SYNPR: variants seen among roughly 807,000 people sequenced by gnomAD.
The protein encoded by SYNPR is synaptoporin.
A neutral mutation model predicts 32.9 loss-of-function variants in SYNPR; 23 were observed. The observed-to-expected ratio is 0.70, with a 90% CI of 0.50 to 0.99. The LOEUF (loss-of-function observed/expected upper bound fraction) is 0.99, where lower values mean the gene tolerates loss of function less well. Among genes scored for constraint, SYNPR ranks in the 50% least tolerant of loss-of-function variants. The pLI, the probability that SYNPR is intolerant of heterozygous loss-of-function variation, is 0.00. For missense variants in SYNPR, 318 were observed against 349.3 expected, an observed-to-expected ratio of 0.91 and a Z score of 0.71; for synonymous variants, 146 against 135.9, an observed-to-expected ratio of 1.07 and a Z score of -0.52.
chr3:63,433,634 C>T (rs1195258882), intron 2 of SYNPR, among the ~76,000 whole-genome samples: 1 of 152,144 alleles, frequency 6.6e-6, no homozygotes, highest in Non-Finnish European at 1.5e-5. Flanking sequence ...TGAGCTGCTT[C>T]GTGGTGGCTT....
intron 2 of SYNPR, among the ~76,000 whole-genome samples, chr3:63,435,351 A>T (rs939926148): frequency 3.9e-5 from 6 of 152,246 alleles, no homozygotes; most frequent in African/African-American, 1.4e-4. Flanking sequence ...AACAGCGCTT[A>T]GGCTGATACC....
At chr3:63,471,292 A>G (rs1700791273) in intron 2 of SYNPR, among the ~76,000 whole-genome samples, 1 of 152,214 alleles carries the variant, frequency 6.6e-6, no homozygotes, top group Non-Finnish European at 1.5e-5. Flanking sequence ...CCTTTTAACA[A>G]TACTTCTCAG....
intron 3 of SYNPR, among the ~76,000 whole-genome samples, chr3:63,524,883 G>T (rs1701982384): frequency 6.6e-6 from 1 of 151,574 alleles, no homozygotes; most frequent in South Asian, 2.1e-4. Context: ...GAGAGAGAGA[G>T]AGAGAGAGAG....
In SYNPR at chr3:63,615,618, G is replaced by C; in HGVS notation, c.*137G>C. On this transcript the variant is annotated 3_prime_UTR_variant, in exon 6 of 6. Coordinates refer to ENST00000478300, the MANE Select transcript of SYNPR (RefSeq NM_001130003.2). Reference sequence around the variant, plus strand: ...ATCAGAGCTCTCTAGTCTTCATTAAGGCAGCAAGTCCTGGGTTGTGAAAAA... The same window carrying C: ...ATCAGAGCTCTCTAGTCTTCATTAACGCAGCAAGTCCTGGGTTGTGAAAAA... 1 of 1,201,160 alleles carries C rather than the reference G, an allele frequency of 8.3e-7. No homozygotes were observed. Among genetic ancestry groups the C allele is most frequent in the Non-Finnish European group, 1.1e-6 (1 of 876,800 alleles). 74.4% of individuals were successfully genotyped at this position (1,201,160 alleles called of 1,614,324 possible). A position where few individuals can be genotyped will look rare whatever the true frequency, so the allele number is the denominator to read the frequency against.
Position 63,611,569 on chromosome 3 carries a change from G to T in SYNPR, c.600+2253G>T, listed in dbSNP as rs141562478. Among the ~76,000 whole-genome samples, 105 of 152,334 alleles carry T rather than the reference G, an allele frequency of 6.9e-4. No individual in the cohort carries two copies. The East Asian group carries it at 0.016, about 23-fold the overall frequency. Reference sequence around the variant, plus strand: ...AAACCCAACAGCCAAGAACTGGAAGGCTGCCAGGAAGCTGGACAGTTCTCA... The same window carrying T: ...AAACCCAACAGCCAAGAACTGGAAGTCTGCCAGGAAGCTGGACAGTTCTCA... On this transcript the variant is annotated intron_variant, in intron 5 of 5. Coordinates refer to ENST00000478300, the MANE Select transcript of SYNPR (RefSeq NM_001130003.2).
intron 1 of SYNPR, among the ~76,000 whole-genome samples, chr3:63,239,043 C>T (rs1156890577): frequency 6.6e-6 from 1 of 152,066 alleles, no homozygotes; most frequent in African/African-American, 2.4e-5. Flanking sequence ...TGAAATGACG[C>T]AAACTTCATC....
intron 2 of SYNPR, among the ~76,000 whole-genome samples, chr3:63,321,340 C>T (rs2087108709): frequency 6.6e-6 from 1 of 151,870 alleles, no homozygotes; most frequent in African/African-American, 2.4e-5. Context: ...GAGAAAAGTC[C>T]AAAGAAGAAA....
chr3:63,203,068 G>GTATATA, the SYNPR span: 190 of 108,526 alleles, frequency 1.8e-3, 1 homozygote, highest in Middle Eastern at 4.5e-3. Context: ...ATATGTATGT[G>GTATATA]TATATATATA....
chr3:63,498,548 G>A (rs938589244), intron 3 of SYNPR, among the ~76,000 whole-genome samples: 1 of 152,124 alleles, frequency 6.6e-6, no homozygotes, highest in Non-Finnish European at 1.5e-5. Flanking sequence ...CTTTTATGAG[G>A]AGACATTGAG....
At chr3:63,231,309 G>T (rs1351648528) in intron 1 of SYNPR, among the ~76,000 whole-genome samples, 1 of 152,018 alleles carries the variant, frequency 6.6e-6, no homozygotes, top group Admixed American at 6.6e-5. Context: ...TGATATAATC[G>T]ACTCTGGGGA....
intron 3 of SYNPR, among the ~76,000 whole-genome samples, chr3:63,552,063 A>T (rs946373632): frequency 4.0e-5 from 6 of 151,610 alleles, no homozygotes; most frequent in African/African-American, 1.5e-4. Flanking sequence ...ATGTCTGGCT[A>T]ATTTTTGTAT....
chr3:63,561,031 G>T (rs547302554), intron 4 of SYNPR, among the ~76,000 whole-genome samples: 4 of 152,282 alleles, frequency 2.6e-5, no homozygotes, highest in Non-Finnish European at 5.9e-5. Context: ...GATTCTTCAA[G>T]TCAAACTTTG....
intron 4 of SYNPR, among the ~76,000 whole-genome samples, chr3:63,607,003 T>G (rs953618618): frequency 1.4e-4 from 21 of 152,232 alleles, no homozygotes; most frequent in Admixed American, 1.2e-3. Flanking sequence ...TATTATTATT[T>G]GAACAAAGAA....
At chr3:63,549,529 G>T (rs1055692359) in intron 3 of SYNPR, among the ~76,000 whole-genome samples, 2 of 152,110 alleles carry the variant, frequency 1.3e-5, no homozygotes, top group Non-Finnish European at 1.5e-5. Flanking sequence ...CTGTAAAATG[G>T]TAACAGCAAT....
chr3:63,525,353 T>G (rs1380134680), intron 3 of SYNPR, among the ~76,000 whole-genome samples: 1 of 152,192 alleles, frequency 6.6e-6, no homozygotes, highest in East Asian at 1.9e-4. Flanking sequence ...AGAACTTACT[T>G]GGGTGAATTA....
At chr3:63,443,092 T>A (rs1363414697) in intron 2 of SYNPR, 3 of 1,082,314 alleles carry the variant, frequency 2.8e-6, no homozygotes, top group Non-Finnish European at 3.4e-6. Context: ...AGTCCTGCAC[T>A]TCCAGTTGTG....
At chr3:63,557,599 T>G (rs575079553) in intron 4 of SYNPR, among the ~76,000 whole-genome samples, 22 of 152,338 alleles carry the variant, frequency 1.4e-4, no homozygotes, top group Middle Eastern at 6.8e-3. Flanking sequence ...GTTTACTATT[T>G]TTTGGCTTTC....
chr3:63,328,227 A>G (rs1168290056), intron 2 of SYNPR, among the ~76,000 whole-genome samples: 1 of 152,188 alleles, frequency 6.6e-6, no homozygotes, highest in Non-Finnish European at 1.5e-5. Context: ...GATATTCACA[A>G]AATGAGAGTG....
At chr3:63,283,227 T>C (rs760395044) in intron 2 of SYNPR, among the ~76,000 whole-genome samples, 34 of 152,238 alleles carry the variant, frequency 2.2e-4, no homozygotes, top group Non-Finnish European at 4.4e-4. Context: ...TTTTGGATTT[T>C]ATAGCCTGGG....
Sources: gnomAD v4.1 joint callset for allele counts (sites outside exome capture counted in the v4.1 genomes callset) on GRCh38, gnomAD v4.1.1 for gene constraint, MANE v1.5 for transcripts, NCBI Gene and HGNC (gene_info 2026-07-23, HGNC 2026-07-21) for gene names.